The following ZHX3 variants were observed in gnomAD, a reference collection of about 807,000 sequenced individuals.
The protein encoded by ZHX3 is zinc fingers and homeoboxes protein 3.
Under a neutral mutation model 64.5 loss-of-function variants are expected in ZHX3, and 20 were observed. The ratio of observed to expected loss-of-function variants is 0.31; its 90% CI spans 0.22 to 0.45. ZHX3 has a LOEUF of 0.45. ZHX3 is among the 20% of genes least tolerant of loss of function. The probability of loss-of-function intolerance (pLI) is 1.00; values close to 1 mark genes in which losing one functional copy is unlikely to be tolerated. For missense variants in ZHX3, 1,041 were observed against 1,195.8 expected (o/e 0.87, Z 1.91); for synonymous variants, 423 against 461.6 (o/e 0.92, Z 1.07).
At chr20:41,234,697 T>A (rs1028155852) in intron 2 of ZHX3, among the ~76,000 whole-genome samples, 1 of 152,242 alleles carries the variant, frequency 6.6e-6, no homozygotes, top group Admixed American at 6.5e-5. Flanking sequence ...AATACAGCCC[T>A]TTGGTTACTG....
chr20:41,263,574 A>G (rs974527004), intron 2 of ZHX3, among the ~76,000 whole-genome samples: 15 of 151,630 alleles, frequency 9.9e-5, no homozygotes, highest in Admixed American at 2.0e-4. Flanking sequence ...TTTGTTTTGT[A>G]TTTTACTAGA....
At chr20:41,287,830 T>C (rs1389213529) in intron 1 of ZHX3, among the ~76,000 whole-genome samples, 1 of 152,226 alleles carries the variant, frequency 6.6e-6, no homozygotes, top group Non-Finnish European at 1.5e-5. Flanking sequence ...TCTCAACCCA[T>C]TTCTGTTACA....
rs148389381 is a variant in ZHX3, at chr20:41,203,262, A to G, written c.1655T>C (p.Leu552Ser). 2.7e-5 allele frequency: 44 copies of G among 1,614,018 alleles called. No individual in the cohort carries two copies. The African/African-American group carries it at 5.1e-4, about 19-fold the overall frequency. Residue 552 changes from leucine (L) to serine (S), a missense_variant, in exon 3 of 4, where the codon TTG becomes TCG. Leu to Ser is a moderately radical substitution (Grantham distance 145). This residue lies in a region of ZHX3 where 649 missense variants were observed against 739.8 expected (regional missense o/e 0.88). Transcript: ENST00000683867. This position sits in a 1 kb window ranked among gnomAD's most constrained non-coding sequence, Gnocchi z 7.1. ...AGGTATCATCGCTCTGGAGCCCTTC[A>G]AGTTCCGGCAGTGGTATCTACGATC... is the stretch of plus-strand genomic sequence containing the variant. The part of the protein sequence containing the change: ...FSDRRYHCRN[L>S]KGSRAMIPGD...
intron 2 of ZHX3, among the ~76,000 whole-genome samples, chr20:41,210,956 C>T (rs1444909050): frequency 3.3e-5 from 5 of 152,098 alleles, no homozygotes; most frequent in African/African-American, 1.2e-4. Context: ...CCAGACATTA[C>T]ATAACATCCC....
intron 3 of ZHX3, among the ~76,000 whole-genome samples, chr20:41,187,065 G>C (rs1338282881): frequency 1.3e-5 from 2 of 152,082 alleles, no homozygotes; most frequent in Non-Finnish European, 2.9e-5. Context: ...GCTTGCACCT[G>C]TAATCTCAGC....
At chr20:41,284,966 A>G (rs1183273092) in intron 1 of ZHX3, among the ~76,000 whole-genome samples, 1 of 151,950 alleles carries the variant, frequency 6.6e-6, no homozygotes, top group Non-Finnish European at 1.5e-5. Flanking sequence ...CTTCCTCCAT[A>G]TACTTCCTCT....
intron 3 of ZHX3, among the ~76,000 whole-genome samples, chr20:41,190,003 G>A (rs1004103093): frequency 2.0e-5 from 3 of 151,526 alleles, no homozygotes; most frequent in South Asian, 2.1e-4. Flanking sequence ...AGTTTTCTGA[G>A]TGTTTTTTTT....
chr20:41,236,680 C>A (rs1344640800), intron 2 of ZHX3, among the ~76,000 whole-genome samples: 1 of 152,102 alleles, frequency 6.6e-6, no homozygotes, highest in Non-Finnish European at 1.5e-5. Context: ...AGAAGAAAAC[C>A]TAGGCAATAC....
chr20:41,316,075 A>C (rs2045280813), intron 1 of ZHX3, among the ~76,000 whole-genome samples: 1 of 151,508 alleles, frequency 6.6e-6, no homozygotes, highest in Non-Finnish European at 1.5e-5. Context: ...TTTTTCCAAA[A>C]ATTACCACAC....
intron 2 of ZHX3, among the ~76,000 whole-genome samples, chr20:41,266,382 C>T (rs1025372597): frequency 6.6e-6 from 1 of 152,192 alleles, no homozygotes; most frequent in Middle Eastern, 3.4e-3. Flanking sequence ...AACCTTCCCC[C>T]ACTGCAACCT....
chr20:41,270,007 TA>T lies in ZHX3; in HGVS notation c.-244-925del, dbSNP rs1207880611. ...ATTGTTCTAAGATCTTTAAATACAT[TA>T]ATCCAATCCTTACAATGATGCTATG... is the stretch of plus-strand genomic sequence containing the variant. On this transcript the variant is annotated intron_variant, in intron 1 of 3. Coordinates refer to ENST00000683867, the MANE Select transcript of ZHX3 (RefSeq NM_001384317.1). Among the ~76,000 whole-genome samples, 5 of 152,154 alleles carry T rather than the reference TA, an allele frequency of 3.3e-5. No individual in the cohort carries two copies. In the East Asian group the frequency reaches 9.6e-4, roughly 29 times the overall value.
chr20:41,288,395 C>T (rs1328490797), intron 1 of ZHX3, among the ~76,000 whole-genome samples: 1 of 152,078 alleles, frequency 6.6e-6, no homozygotes, highest in Non-Finnish European at 1.5e-5. Flanking sequence ...TACTACCATC[C>T]CTTTTGCCTA....
In ZHX3 at chr20:41,194,736, A is replaced by G. The variant is rs549588924; in HGVS notation, c.2860+7321T>C. 2.8e-3 allele frequency among the ~76,000 whole-genome samples: 425 copies of G among 152,266 alleles called. 3 individuals carry two copies. Among genetic ancestry groups the G allele is most frequent in the South Asian group, 0.016 (75 of 4,826 alleles). On this transcript the variant is annotated intron_variant, in intron 3 of 3. Coordinates refer to ENST00000683867, the MANE Select transcript of ZHX3 (RefSeq NM_001384317.1). ...TCTGATAACAATCTTCTTACCAGTT[A>G]TTGATATATTTTGGTTTTTTATTTA...
At chr20:41,307,529 C>T (rs1248768753) in intron 1 of ZHX3, among the ~76,000 whole-genome samples, 1 of 152,176 alleles carries the variant, frequency 6.6e-6, no homozygotes, top group Non-Finnish European at 1.5e-5. Flanking sequence ...AGCTATGCTT[C>T]CATAAAAGCC....
intron 2 of ZHX3, among the ~76,000 whole-genome samples, chr20:41,264,408 A>C (rs1424217309): frequency 6.7e-6 from 1 of 148,412 alleles, no homozygotes; most frequent in South Asian, 2.2e-4. Flanking sequence ...AAAAAAAAAA[A>C]GTTAGCCGGG....
chr20:41,279,843 C>T (rs1046245992), intron 1 of ZHX3, among the ~76,000 whole-genome samples: 1 of 152,034 alleles, frequency 6.6e-6, no homozygotes, highest in Non-Finnish European at 1.5e-5. Context: ...GTGAATATAA[C>T]CATAGAACCC....
chr20:41,299,485 T>C (rs1458391811), intron 1 of ZHX3, among the ~76,000 whole-genome samples: 1 of 152,134 alleles, frequency 6.6e-6, no homozygotes. Flanking sequence ...TTTTCTTTGT[T>C]CCACCTGCCA....
chr20:41,298,072 A>T (rs1338847121), intron 1 of ZHX3, among the ~76,000 whole-genome samples: 1 of 148,222 alleles, frequency 6.7e-6, no homozygotes, highest in Non-Finnish European at 1.5e-5. Flanking sequence ...GAGTCATCCA[A>T]TTCTTTTTTT....
chr20:41,268,914 T>C, intron 2 of ZHX3, 76 bp downstream of exon 2: 1 of 152,246 alleles, frequency 6.6e-6, no homozygotes, highest in East Asian at 1.9e-4. Flanking sequence ...TACAAAGTTG[T>C]GGTAATTAAT....
Sources: allele counts gnomAD v4.1 joint callset (sites outside exome capture counted in the v4.1 genomes callset), GRCh38; gene constraint gnomAD v4.1.1; regional missense constraint gnomAD v4.1.1; non-coding constraint Gnocchi (gnomAD v3.1); transcripts MANE v1.5; gene names NCBI Gene and HGNC (gene_info 2026-07-23, HGNC 2026-07-21).